Variants in PLOD2 observed in about 807,000 individuals in gnomAD.
The protein encoded by PLOD2 is lysine hydroxylase 2.
Under a neutral mutation model 101.0 loss-of-function variants are expected in PLOD2, and 65 were observed. The observed-to-expected ratio is 0.64, with a 90% CI of 0.53 to 0.79. PLOD2 has a LOEUF of 0.79. Ranked by LOEUF, PLOD2 falls within the 30% of genes least tolerant of loss-of-function variation. PLOD2 has a pLI of 0.00. For synonymous variants in PLOD2, 314 were observed against 302.9 expected, an observed-to-expected ratio of 1.04 and a Z score of -0.38; for missense variants, 909 against 914.6, an observed-to-expected ratio of 0.99 and a Z score of 0.08.
At chr3:146,137,359 A>C (rs2108118986) in intron 1 of PLOD2, among the ~76,000 whole-genome samples, 1 of 152,210 alleles carries the variant, frequency 6.6e-6, no homozygotes, top group East Asian at 1.9e-4. Context: ...TGATACTCCC[A>C]CCTCAGCCTC....
chr3:146,100,721 G>C (rs1011588497), intron 7 of PLOD2, among the ~76,000 whole-genome samples: 3 of 152,198 alleles, frequency 2.0e-5, no homozygotes, highest in Non-Finnish European at 4.4e-5. Flanking sequence ...GGGTGTGCAT[G>C]TGTAGGGTTG....
At chr3:146,123,051 CT>C (rs1271204458) in intron 2 of PLOD2, among the ~76,000 whole-genome samples, 1 of 152,006 alleles carries the variant, frequency 6.6e-6, no homozygotes, top group African/African-American at 2.4e-5. Context: ...GTTGTTACCA[CT>C]ACATCTCTTT....
chr3:146,083,764 G>A (rs987630733), intron 11 of PLOD2, among the ~76,000 whole-genome samples: 1 of 151,586 alleles, frequency 6.6e-6, no homozygotes, highest in Admixed American at 6.6e-5. Context: ...TGTATTTTTA[G>A]TAGAGATGGC....
At chr3:146,157,680 T>C (rs1294371878) in intron 1 of PLOD2, among the ~76,000 whole-genome samples, 1 of 152,228 alleles carries the variant, frequency 6.6e-6, no homozygotes, top group African/African-American at 2.4e-5. Flanking sequence ...GTAGCTCAAT[T>C]TAATTTTCAT....
At chr3:146,116,504 G>T (rs1040195890) in intron 3 of PLOD2, among the ~76,000 whole-genome samples, 1 of 152,034 alleles carries the variant, frequency 6.6e-6, no homozygotes, top group African/African-American at 2.4e-5. Context: ...CTGTTGGAAA[G>T]AAAATAAGTA....
Position 146,106,749 on chromosome 3 carries a change from C to A in PLOD2, c.503-105G>T, listed in dbSNP as rs189359505. 9.7e-5 allele frequency: 73 copies of A among 751,970 alleles called. No individual in the cohort carries two copies. In the African/African-American group the frequency reaches 1.1e-3, roughly 11 times the overall value. 46.6% of individuals were successfully genotyped at this position (751,970 alleles called of 1,614,324 possible). On this transcript the variant is annotated intron_variant, in intron 4 of 19. Transcript: ENST00000282903. ...TGAACAGAGTTGTGAAGTCATGAAG[C>A]CTAATTCTTAGGCTGGAATTTCACA...
chr3:146,133,210 T>C (rs2031027285), intron 1 of PLOD2, among the ~76,000 whole-genome samples: 1 of 152,086 alleles, frequency 6.6e-6, no homozygotes, highest in Non-Finnish European at 1.5e-5. Flanking sequence ...ATTTTCCTAG[T>C]ATGAGGTGTA....
At chr3:146,102,716 T>A (rs371352549) in intron 7 of PLOD2, 39 bp downstream of exon 7, 4 of 971,882 alleles carry the variant, frequency 4.1e-6, no homozygotes, top group Non-Finnish European at 6.7e-6. Flanking sequence ...CCATAGTCTA[T>A]CTCCAAGAAT....
At position 146,110,152 on chromosome 3, in the gene PLOD2, G is replaced by C. The variant is rs3804661; in HGVS notation, c.502+133C>G. 0.49 allele frequency: 369,063 copies of C among 753,664 alleles called. 91,380 individuals carry two copies. The highest frequency in any genetic ancestry group is 0.55 in the African/African-American group (31,503 of 57,284). 46.7% of individuals were successfully genotyped at this position (753,664 alleles called of 1,614,324 possible). A position where few individuals can be genotyped will look rare whatever the true frequency, so the allele number is the denominator to read the frequency against. ...CAACTCACATAATACATGGGAAAAT[G>C]CTTTGTCAATATACTAATAATAAAA... On this transcript the variant is annotated intron_variant, in intron 4 of 19. Coordinates refer to ENST00000282903, the MANE Select transcript of PLOD2 (RefSeq NM_182943.3).
rs980749072 is a variant in PLOD2, at chr3:146,136,341, C to G, written c.110-12112G>C. On this transcript the variant is annotated intron_variant, in intron 1 of 19. Coordinates refer to ENST00000282903, the MANE Select transcript of PLOD2 (RefSeq NM_182943.3). Reference sequence around the variant, plus strand: ...CTAGCCCAGAAATCCAAAATTCAAACTAAAACTTTTTGAGTGCTGAAAGAC... The same window carrying G: ...CTAGCCCAGAAATCCAAAATTCAAAGTAAAACTTTTTGAGTGCTGAAAGAC... 2.6e-5 allele frequency among the ~76,000 whole-genome samples: 4 copies of G among 152,128 alleles called. No homozygotes were observed. The Middle Eastern group carries it at 9.5e-3, about 361-fold the overall frequency.
intron 1 of PLOD2, among the ~76,000 whole-genome samples, chr3:146,125,098 C>G (rs1437687378): frequency 1.3e-5 from 2 of 149,848 alleles, no homozygotes; most frequent in East Asian, 3.9e-4. Flanking sequence ...TTTTTTTTAA[C>G]TGAAGATTTA....
At chr3:146,142,554 A>G (rs571371866) in intron 1 of PLOD2, among the ~76,000 whole-genome samples, 2 of 152,224 alleles carry the variant, frequency 1.3e-5, no homozygotes, top group South Asian at 4.1e-4. Flanking sequence ...AGGTTGGTCA[A>G]TAAAAACACT....
At chr3:146,110,015 T>A (rs1424977740) in intron 4 of PLOD2, among the ~76,000 whole-genome samples, 1 of 152,154 alleles carries the variant, frequency 6.6e-6, no homozygotes, top group Non-Finnish European at 1.5e-5. Flanking sequence ...ATACTTTTCT[T>A]CCTTTAACAA....
In PLOD2 at chr3:146,118,062, T is replaced by C. The variant is rs561497308; in HGVS notation, c.338+3050A>G. Among the ~76,000 whole-genome samples the C allele has an allele frequency of 6.8e-4, 104 of 152,262 alleles. 1 individual carries two copies. Among genetic ancestry groups the C allele is most frequent in the African/African-American group, 2.3e-3 (95 of 41,564 alleles). ...TGTAGTAACTCTTACAAGGAGAATCTGCCTCAGAGCCAAAGTGAAAATGTA... is the reference window on the plus strand; with the variant it reads ...TGTAGTAACTCTTACAAGGAGAATCCGCCTCAGAGCCAAAGTGAAAATGTA... On this transcript the variant is annotated intron_variant, in intron 3 of 19. Transcript: ENST00000282903.
intron 11 of PLOD2, among the ~76,000 whole-genome samples, chr3:146,083,407 TC>T (rs1314530974): frequency 4.6e-5 from 7 of 152,128 alleles, no homozygotes; most frequent in African/African-American, 1.7e-4. Context: ...CTTGCAACAT[TC>T]CTGGCATATG....
chr3:146,095,143 A>T (rs1937105677), intron 7 of PLOD2, among the ~76,000 whole-genome samples: 1 of 152,218 alleles, frequency 6.6e-6, no homozygotes, highest in East Asian at 1.9e-4. Flanking sequence ...AATATCATTC[A>T]GGACACAGGC....
intron 3 of PLOD2, among the ~76,000 whole-genome samples, chr3:146,113,854 G>T (rs1230343390): frequency 1.3e-5 from 2 of 152,204 alleles, no homozygotes; most frequent in African/African-American, 2.4e-5. Context: ...CTGCCTGAGA[G>T]CCGGGCGGAA....
At chr3:146,080,332 T>C (rs921243775) in intron 12 of PLOD2, among the ~76,000 whole-genome samples, 2 of 152,086 alleles carry the variant, frequency 1.3e-5, no homozygotes, top group African/African-American at 4.8e-5. Flanking sequence ...CAATATGCTG[T>C]AATAAAAGTT....
intron 11 of PLOD2, among the ~76,000 whole-genome samples, chr3:146,084,445 A>G (rs1026717890): frequency 1.3e-5 from 2 of 152,156 alleles, no homozygotes; most frequent in African/African-American, 4.8e-5. Flanking sequence ...CTTACTTAAC[A>G]AAATAAAAAC....
Sources: allele counts gnomAD v4.1 joint callset (sites outside exome capture counted in the v4.1 genomes callset), GRCh38; gene constraint gnomAD v4.1.1; transcripts MANE v1.5; gene names NCBI Gene and HGNC (gene_info 2026-07-23, HGNC 2026-07-21).